ARHGAP11A: variants seen among roughly 807,000 people sequenced by gnomAD.
ARHGAP11A encodes rho GTPase-activating protein 11A.
ARHGAP11A carries 36 observed loss-of-function variants against 60.5 expected under a neutral mutation model. The ratio of observed to expected loss-of-function variants is 0.59; its 90% CI spans 0.46 to 0.79. The LOEUF is 0.79. ARHGAP11A is among the 30% of genes least tolerant of loss of function. The pLI is 0.00. For missense variants in ARHGAP11A, 1,071 were observed against 1,199.2 expected, an observed-to-expected ratio of 0.89 and a Z score of 1.58; for synonymous variants, 362 against 415.5, an observed-to-expected ratio of 0.87 and a Z score of 1.57.
intron 2 of ARHGAP11A, among the ~76,000 whole-genome samples, chr15:32,621,718 G>A (rs911468311): frequency 3.3e-4 from 50 of 152,336 alleles, no homozygotes; most frequent in African/African-American, 7.2e-4. Context: ...CCAGCTACTC[G>A]GGAGGCTGAG....
rs563652744 is a variant in ARHGAP11A, at chr15:32,629,808, G to C, written c.1105+46G>C. 6.3e-6 allele frequency: 9 copies of C among 1,431,846 alleles called. No homozygotes were observed. In the African/African-American group the frequency reaches 1.0e-4, roughly 16 times the overall value. The allele number at this position is 1,431,846 out of a possible 1,614,324, so 88.7% of individuals were successfully genotyped here. On this transcript the variant is annotated intron_variant, in intron 8 of 11. Transcript: ENST00000361627. ...AAATGGATTGTAAAGATTAAAATGA[G>C]TGCCTATTCTGGGCACAGTGCAATT... is the stretch of plus-strand genomic sequence containing the variant.
At chr15:32,634,744 G>A (rs746765938) in intron 10 of ARHGAP11A, among the ~76,000 whole-genome samples, 4 of 152,118 alleles carry the variant, frequency 2.6e-5, no homozygotes, top group South Asian at 2.1e-4. Context: ...ATGGCAAATC[G>A]TTCTTCCAGT....
At position 32,625,227 on chromosome 15, in the gene ARHGAP11A, T is replaced by C; in HGVS notation, c.699T>C (p.Asp233=). The change falls in exon 5 of 12, where the codon GAT becomes GAC. Residue 233 remains aspartate (D), a synonymous_variant. Transcript: ENST00000361627. ...LQAAVVQTLI[D]YASDIGRVPD... is the part of the protein sequence containing the mutation. ...CTGCAGTAGTACAGACTCTTATCGA[T>C]TATGCATCAGATATTGGTAAGATGT... 2.5e-6 allele frequency: 4 copies of C among 1,609,804 alleles called. No individual in the cohort carries two copies. Among genetic ancestry groups the C allele is most frequent in the Non-Finnish European group, 3.4e-6 (4 of 1,178,420 alleles).
intron 4 of ARHGAP11A, 152 bp from the exon 5 acceptor site, chr15:32,624,928 C>T: frequency 1.6e-6 from 1 of 643,882 alleles, no homozygotes; most frequent in Non-Finnish European, 2.7e-6. Context: ...CTGGTTCTTT[C>T]TTGTGTTCAA....
intron 8 of ARHGAP11A, among the ~76,000 whole-genome samples, chr15:32,630,989 T>C (rs1174646953): frequency 6.6e-6 from 1 of 152,248 alleles, no homozygotes; most frequent in East Asian, 1.9e-4. Flanking sequence ...ATGAACATAC[T>C]GATTCCTTCT....
At chr15:32,618,659 T>G (rs888748206) in intron 1 of ARHGAP11A, among the ~76,000 whole-genome samples, 3 of 152,052 alleles carry the variant, frequency 2.0e-5, no homozygotes, top group African/African-American at 7.2e-5. Context: ...CATTTTTGTG[T>G]GTGCGATGGC....
At position 32,637,553 on chromosome 15, in the gene ARHGAP11A, CTT is replaced by C. The variant is rs767768551; in HGVS notation, c.2782_2783del (p.Phe928LeufsTer15). 1.3e-5 allele frequency: 21 copies of C among 1,614,010 alleles called. No individual in the cohort carries two copies. The South Asian group carries it at 2.3e-4, about 18-fold the overall frequency. ...TCAAGCATGGAGTTACCCTCGAAATCTTTCTTAAAGATGAGGAAGCACCCAGA... is the reference window on the plus strand; with the variant it reads ...TCAAGCATGGAGTTACCCTCGAAATCTCTTAAAGATGAGGAAGCACCCAGA... On this transcript the variant is annotated frameshift_variant, in exon 12 of 12. Coordinates refer to ENST00000361627, the MANE Select transcript of ARHGAP11A (RefSeq NM_014783.6). LOFTEE classifies it high-confidence loss of function.
At position 32,637,735 on chromosome 15, in the gene ARHGAP11A, AG is replaced by A; in HGVS notation, c.2965del (p.Val989SerfsTer33). On this transcript the variant is annotated frameshift_variant, in exon 12 of 12. Transcript: ENST00000361627. LOFTEE classifies it high-confidence loss of function. ...GGGCATTTCTTCTGGGATAAATAAC[AG>A]GGTCCTTAGGAGACCATCAGAAAGA... ...NMGISSGINN[R>X]VLRRPSERGR... The A allele has an allele frequency of 6.2e-7, 1 of 1,614,208 alleles. No individual in the cohort carries two copies. The highest frequency in any genetic ancestry group is 8.5e-7 in the Non-Finnish European group (1 of 1,180,032).
Position 32,620,132 on chromosome 15 carries a change from A to C in ARHGAP11A, c.154A>C (p.Asn52His), listed in dbSNP as rs2053259743. 2.5e-6 allele frequency: 4 copies of C among 1,611,128 alleles called. No individual in the cohort carries two copies. The highest frequency in any genetic ancestry group is 3.4e-6 in the Non-Finnish European group (4 of 1,178,508). ...IGGKIFGVPF[N>H]ALPHSAVPEY... ...GGGTAAAATATTTGGAGTACCTTTTAATGCACTGCCCCATTCTGCTGTACC... is the reference window on the plus strand; with the variant it reads ...GGGTAAAATATTTGGAGTACCTTTTCATGCACTGCCCCATTCTGCTGTACC... Residue 52 changes from asparagine (N) to histidine (H), a missense_variant, in exon 2 of 12, where the codon AAT (asparagine) becomes CAT (histidine). By Grantham distance (68) the Asn-to-His change is moderately conservative. Around this residue, in one of 4 missense-constraint regions of ARHGAP11A, gnomAD observed 71 missense variants for 142.4 expected, o/e 0.50. Transcript: ENST00000361627.
At chr15:32,618,309 T>TA (rs2053210701) in intron 1 of ARHGAP11A, among the ~76,000 whole-genome samples, 2 of 152,222 alleles carry the variant, frequency 1.3e-5, no homozygotes, top group Admixed American at 1.3e-4. Flanking sequence ...TCTAGTTATA[T>TA]ATAGCAGAAG....
At chr15:32,633,165 T>G (rs1219986080) in intron 9 of ARHGAP11A, 57 bp downstream of exon 9, 16 of 1,568,818 alleles carry the variant, frequency 1.0e-5, no homozygotes, top group Non-Finnish European at 1.4e-5. Flanking sequence ...TACACATAAT[T>G]AATAAAATGT....
Position 32,638,041 on chromosome 15 carries a change from A to G in ARHGAP11A, c.*196A>G. 1.8e-6 allele frequency: 1 copy of G among 556,644 alleles called. No individual in the cohort carries two copies. Among genetic ancestry groups the G allele is most frequent in the Non-Finnish European group, 3.1e-6 (1 of 327,102 alleles). The allele number at this position is 556,644 out of a possible 1,614,324, so 34.5% of individuals were successfully genotyped here. On this transcript the variant is annotated 3_prime_UTR_variant, in exon 12 of 12. Transcript: ENST00000361627. Reference sequence around the variant, plus strand: ...ACAAATTACTTCTTTGTTTTTCTTAATGATGGCAATTTTTAAACTTTAATT... The same window carrying G: ...ACAAATTACTTCTTTGTTTTTCTTAGTGATGGCAATTTTTAAACTTTAATT...
intron 6 of ARHGAP11A, 60 bp from the exon 7 acceptor site, chr15:32,628,668 G>C: frequency 7.6e-7 from 1 of 1,313,454 alleles, no homozygotes; most frequent in Non-Finnish European, 1.1e-6. Flanking sequence ...ATATTAATAT[G>C]AATTATTGGT....
rs565643568 is a variant in ARHGAP11A at position 32,636,801 on chromosome 15, C to T, written c.2028C>T (p.Pro676=). ...EKCFSERDFS[P]LQTQTFNRET... is the part of the protein sequence containing the mutation. The stretch of plus-strand genomic sequence containing the variant: ...GTTTTTCAGAGAGGGACTTTTCACC[C>T]CTTCAAACTCAAACATTTAATAGAG... Residue 676 remains proline, a synonymous_variant, in exon 12 of 12, where the codon CCC becomes CCT. Transcript: ENST00000361627. 37 of 1,608,970 alleles carry T rather than the reference C, an allele frequency of 2.3e-5. No homozygotes were observed. The South Asian group carries it at 3.9e-4, about 17-fold the overall frequency.
At position 32,623,598 on chromosome 15, in the gene ARHGAP11A, T is replaced by C; in HGVS notation, c.297+10T>C. On this transcript the variant is annotated intron_variant, in intron 3 of 11. Coordinates refer to ENST00000361627, the MANE Select transcript of ARHGAP11A (RefSeq NM_014783.6). ...CCTAAAAGCACTAAAGGTGAGCATA[T>C]TGTTGAACTATTAATTTTTCATTTG... 1 of 1,604,586 alleles carries C rather than the reference T, an allele frequency of 6.2e-7. No homozygotes were observed. The highest frequency in any genetic ancestry group is 8.5e-7 in the Non-Finnish European group (1 of 1,176,720).
chr15:32,617,471 C>CTTTTCCT (rs1555429171), intron 1 of ARHGAP11A, among the ~76,000 whole-genome samples: 12 of 102,010 alleles, frequency 1.2e-4, no homozygotes, highest in African/African-American at 4.5e-4. Context: ...TTTTCTTTTC[C>CTTTTCCT]TTTTTTTTTT....
rs762321610 is a variant in ARHGAP11A at position 32,637,893 on chromosome 15, G to T, written c.*48G>T. 11 of 1,437,586 alleles carry T rather than the reference G, an allele frequency of 7.7e-6. 1 individual carries two copies. In the South Asian group the frequency reaches 1.5e-4, roughly 20 times the overall value. 89.1% of individuals were successfully genotyped at this position (1,437,586 alleles called of 1,614,324 possible). ...TTAATGTAAATAAAGTGAGTAATTG[G>T]TATGACTTGCAGGATGATGTACATG... On this transcript the variant is annotated 3_prime_UTR_variant, in exon 12 of 12. Transcript: ENST00000361627.
Position 32,625,593 on chromosome 15 carries a change from T to C in ARHGAP11A, c.822T>C (p.Thr274=). 2 of 1,613,888 alleles carry C rather than the reference T, an allele frequency of 1.2e-6. No individual in the cohort carries two copies. The highest frequency in any genetic ancestry group is 1.7e-6 in the Non-Finnish European group (2 of 1,179,840). ...GCTTTGAAGAAGGTGAATATGAAAC[T>C]CCTGGTGAATATAAGAGAAAGAGAA... ...LEGFEEGEYE[T]PGEYKRKRRQ... The change falls in exon 6 of 12, where the codon ACT becomes ACC. Residue 274 remains threonine, a synonymous_variant. Coordinates refer to ENST00000361627, the MANE Select transcript of ARHGAP11A (RefSeq NM_014783.6).
chr15:32,615,158 C>T (rs1390366815), upstream of ARHGAP11A: 3 of 152,092 alleles, frequency 2.0e-5, no homozygotes, highest in Non-Finnish European at 2.9e-5. Flanking sequence ...ACGGTTTCTT[C>T]ATAAGAGGGC....
Sources: allele counts gnomAD v4.1 joint callset (sites outside exome capture counted in the v4.1 genomes callset), GRCh38; gene constraint gnomAD v4.1.1; regional missense constraint gnomAD v4.1.1; transcripts MANE v1.5; gene names NCBI Gene and HGNC (gene_info 2026-07-23, HGNC 2026-07-21).